PIEZO2: variants seen among roughly 807,000 people sequenced by gnomAD.
The protein encoded by PIEZO2 is piezo-type mechanosensitive ion channel component 2.
PIEZO2 carries 172 observed loss-of-function variants against 337.3 expected under a neutral mutation model. That is an observed-to-expected ratio of 0.51 (90% confidence interval 0.45 to 0.58). The LOEUF is 0.58. Among genes scored for constraint, PIEZO2 ranks in the 20% least tolerant of loss-of-function variants. The pLI is 0.00. For missense variants in PIEZO2, 3,028 were observed against 3,391.3 expected (o/e 0.89, Z 2.66); for synonymous variants, 1,251 against 1,228.5 (o/e 1.02, Z -0.38).
At chr18:11,100,438 G>A (rs970680909) in intron 1 of PIEZO2, among the ~76,000 whole-genome samples, 2 of 152,202 alleles carry the variant, frequency 1.3e-5, no homozygotes, top group African/African-American at 4.8e-5. Context: ...AGATCTAACA[G>A]GCTGGAACTT....
Position 11,066,163 on chromosome 18 carries a change from G to T in PIEZO2, c.124C>A (p.Pro42Thr). Residue 42 changes from proline (P) to threonine (T), a missense_variant, in exon 2 of 56, where the codon CCT becomes ACT. Around this residue, in one of 5 missense-constraint regions of PIEZO2, gnomAD observed 542 missense variants for 605.6 expected, o/e 0.89. Coordinates refer to ENST00000674853, the MANE Select transcript of PIEZO2 (RefSeq NM_001378183.1). ...GTTTTTGTTGGTTCTGAGAACAGAG[G>T]AATGAGCAAGAGGTAGATAAGGTAG... ...FVYLIYLLLIPLFSEPTKTTM... is the reference protein window; with the variant it reads ...FVYLIYLLLITLFSEPTKTTM... 1 of 1,536,970 alleles carries T rather than the reference G, an allele frequency of 6.5e-7. No homozygotes were observed. Among genetic ancestry groups the T allele is most frequent in the East Asian group, 2.4e-5 (1 of 40,914 alleles).
chr18:10,855,954 C>T lies in PIEZO2; in HGVS notation c.704-388G>A, dbSNP rs1458497792. ...TGTCTGTTCCAACCTTTCCTGACAC[C>T]ATTTTCTTTATAATAATTTACTACT... is the stretch of plus-strand genomic sequence containing the variant. On this transcript the variant is annotated intron_variant, in intron 6 of 55. Transcript: ENST00000674853. This position sits in a 1 kb window ranked among gnomAD's most constrained non-coding sequence, Gnocchi z 4.9. Among the ~76,000 whole-genome samples, 1 of 151,878 alleles carries T rather than the reference C, an allele frequency of 6.6e-6. No homozygotes were observed. Among genetic ancestry groups the T allele is most frequent in the Non-Finnish European group, 1.5e-5 (1 of 68,002 alleles).
chr18:10,678,979 CT>C (rs1178611836), intron 52 of PIEZO2, among the ~76,000 whole-genome samples: 1 of 147,910 alleles, frequency 6.8e-6, no homozygotes, highest in Non-Finnish European at 1.5e-5. Context: ...GTCACTCAGG[CT>C]GGAGTGCAGT....
chr18:10,764,289 A>G (rs2038262501), intron 21 of PIEZO2, among the ~76,000 whole-genome samples: 1 of 152,064 alleles, frequency 6.6e-6, no homozygotes, highest in African/African-American at 2.4e-5. Context: ...TGTACCAAGC[A>G]TTGTGGGCTA....
rs2040815385 is a variant in PIEZO2, at chr18:10,830,543, G to A, written c.918-23269C>T. Among the ~76,000 whole-genome samples the A allele has an allele frequency of 1.3e-5, 2 of 150,718 alleles. No individual in the cohort carries two copies. Among genetic ancestry groups the A allele is most frequent in the Non-Finnish European group, 2.9e-5 (2 of 67,870 alleles). ...AAACATCAAATCAAAATGGATTAAA[G>A]ACTTAAATCTAAGACCTCAAGCTAT... On this transcript the variant is annotated intron_variant, in intron 7 of 55. Coordinates refer to ENST00000674853, the MANE Select transcript of PIEZO2 (RefSeq NM_001378183.1). This position sits in a 1 kb window ranked among gnomAD's most constrained non-coding sequence, Gnocchi z 4.7.
At chr18:10,782,082 A>T (rs968459814) in intron 17 of PIEZO2, among the ~76,000 whole-genome samples, 2 of 146,346 alleles carry the variant, frequency 1.4e-5, no homozygotes, top group African/African-American at 2.5e-5. Flanking sequence ...ATATATATAT[A>T]TTTAAACTTT....
rs557402474 is a variant in PIEZO2, at chr18:11,140,732, G to T, written c.64+7793C>A. On this transcript the variant is annotated intron_variant, in intron 1 of 55. Coordinates refer to ENST00000674853, the MANE Select transcript of PIEZO2 (RefSeq NM_001378183.1). ...CATGCTAATATCCACTCTCTGTCATGGCCACAGACCGACTTTTCCCATTTT... is the reference window on the plus strand; with the variant it reads ...CATGCTAATATCCACTCTCTGTCATTGCCACAGACCGACTTTTCCCATTTT... Among the ~76,000 whole-genome samples the T allele has an allele frequency of 4.8e-4, 73 of 152,266 alleles. 1 individual carries two copies. Among genetic ancestry groups the T allele is most frequent in the African/African-American group, 1.7e-3 (72 of 41,564 alleles).
intron 2 of PIEZO2, among the ~76,000 whole-genome samples, chr18:11,019,909 C>A (rs962642325): frequency 6.6e-6 from 1 of 152,200 alleles, no homozygotes; most frequent in Non-Finnish European, 1.5e-5. Flanking sequence ...AGACAAGAGG[C>A]ATATCAGCAC....
chr18:10,948,602 T>C (rs976235366), intron 3 of PIEZO2, among the ~76,000 whole-genome samples: 3 of 152,196 alleles, frequency 2.0e-5, no homozygotes, highest in Non-Finnish European at 2.9e-5. Context: ...AGAAATCACT[T>C]TGGCGATAGA....
chr18:11,113,616 C>G (rs767532948), intron 1 of PIEZO2, among the ~76,000 whole-genome samples: 1 of 152,214 alleles, frequency 6.6e-6, no homozygotes, highest in African/African-American at 2.4e-5. Flanking sequence ...ATCATGGTCA[C>G]ATGATACCCT....
Position 10,982,368 on chromosome 18 carries a change from GT to G in PIEZO2, c.161-2709del, listed in dbSNP as rs2034700647. On this transcript the variant is annotated intron_variant, in intron 2 of 55. Transcript: ENST00000674853. This position sits in a 1 kb window ranked among gnomAD's most constrained non-coding sequence, Gnocchi z 4.1. ...GCTTAAGACCGTTCTTGACAAAATT[GT>G]AAAAAAAAAATAGAAAAACAAATAA... Among the ~76,000 whole-genome samples the G allele has an allele frequency of 6.7e-6, 1 of 149,898 alleles. No individual in the cohort carries two copies. The highest frequency in any genetic ancestry group is 1.5e-5 in the Non-Finnish European group (1 of 67,780).
intron 4 of PIEZO2, among the ~76,000 whole-genome samples, chr18:10,873,913 GA>G (rs1462117463): frequency 3.9e-5 from 6 of 152,156 alleles, no homozygotes; most frequent in African/African-American, 1.4e-4. Context: ...TCTGGACAAA[GA>G]TTTTTTTGGG....
rs537939600 is a variant in PIEZO2, at chr18:10,734,477, A to C, written c.4914+755T>G. On this transcript the variant is annotated intron_variant, in intron 35 of 55. Transcript: ENST00000674853. ...CACTGGTCTATGTCACTATCGAACT[A>C]CTCGCTTAACAGGTGAGGGACATAC... 3.9e-5 allele frequency among the ~76,000 whole-genome samples: 6 copies of C among 152,316 alleles called. No homozygotes were observed. The South Asian group carries it at 6.2e-4, about 16-fold the overall frequency.
At position 10,748,603 on chromosome 18, in the gene PIEZO2, GGA is replaced by G; in HGVS notation, c.4290_4291del (p.Pro1431GlnfsTer34). 2 of 1,524,740 alleles carry G rather than the reference GGA, an allele frequency of 1.3e-6. No homozygotes were observed. Among genetic ancestry groups the G allele is most frequent in the Non-Finnish European group, 1.8e-6 (2 of 1,142,150 alleles). 94.5% of individuals were successfully genotyped at this position (1,524,740 alleles called of 1,614,324 possible). A position where few individuals can be genotyped will look rare whatever the true frequency, so the allele number is the denominator to read the frequency against. Reference sequence around the variant, plus strand: ...CCAAATGATTCCTGCTTCCCCACTGGGAAGTGTACAGGGTGAATTAGCAGCAG... The same window carrying G: ...CCAAATGATTCCTGCTTCCCCACTGGAGTGTACAGGGTGAATTAGCAGCAG... On this transcript the variant is annotated frameshift_variant, in exon 30 of 56. Coordinates refer to ENST00000674853, the MANE Select transcript of PIEZO2 (RefSeq NM_001378183.1). LOFTEE classifies it high-confidence loss of function. The surrounding 1 kb of genome is among the most constrained non-coding windows in gnomAD (Gnocchi z 5.1).
In PIEZO2 at chr18:11,112,791, C is replaced by T. The variant is rs1191962599; in HGVS notation, c.64+35734G>A. 2.6e-5 allele frequency among the ~76,000 whole-genome samples: 4 copies of T among 152,190 alleles called. No individual in the cohort carries two copies. The highest frequency in any genetic ancestry group is 1.3e-4 in the Admixed American group (2 of 15,284). Reference sequence around the variant, plus strand: ...AATGTGGGCTCCTTCTCTCCATCTGCAGTTAGGTCACCGACAAGAGGAAGA... The same window carrying T: ...AATGTGGGCTCCTTCTCTCCATCTGTAGTTAGGTCACCGACAAGAGGAAGA... On this transcript the variant is annotated intron_variant, in intron 1 of 55. Coordinates refer to ENST00000674853, the MANE Select transcript of PIEZO2 (RefSeq NM_001378183.1). This position sits in a 1 kb window ranked among gnomAD's most constrained non-coding sequence, Gnocchi z 4.3.
chr18:10,709,625 A>T (rs2035735634), intron 39 of PIEZO2: 1 of 152,340 alleles, frequency 6.6e-6, no homozygotes. Context: ...GCAGAGATGG[A>T]AGACTTTCAG....
intron 1 of PIEZO2, among the ~76,000 whole-genome samples, chr18:11,140,852 G>T (rs538131615): frequency 2.0e-5 from 3 of 152,332 alleles, no homozygotes; most frequent in African/African-American, 7.2e-5. Context: ...AGGCTAACTG[G>T]ATGTGAGCAG....
intron 8 of PIEZO2, among the ~76,000 whole-genome samples, chr18:10,805,238 T>A (rs1443008259): frequency 6.6e-6 from 1 of 152,178 alleles, no homozygotes; most frequent in Non-Finnish European, 1.5e-5. Flanking sequence ...ATAGTTCCCA[T>A]CGTGGTGGCT....
intron 3 of PIEZO2, among the ~76,000 whole-genome samples, chr18:10,911,887 C>T (rs2030514235): frequency 6.6e-6 from 1 of 152,126 alleles, no homozygotes; most frequent in South Asian, 2.1e-4. Flanking sequence ...GTGTCCTGCT[C>T]AGAAAAATAT....
Sources: allele counts gnomAD v4.1 joint callset (sites outside exome capture counted in the v4.1 genomes callset), GRCh38; gene constraint gnomAD v4.1.1; regional missense constraint gnomAD v4.1.1; non-coding constraint Gnocchi (gnomAD v3.1); transcripts MANE v1.5; gene names NCBI Gene and HGNC (gene_info 2026-07-23, HGNC 2026-07-21).